Variants in SMYD3 observed in about 807,000 individuals in gnomAD.
SMYD3 encodes SET and MYND domain containing 3.
In SMYD3, 36 loss-of-function variants were observed where a neutral mutation model predicts 57.7. The ratio of observed to expected loss-of-function variants is 0.62; its 90% confidence interval spans 0.48 to 0.82. The LOEUF is 0.82. SMYD3 is among the 40% of genes least tolerant of loss of function. The probability of loss-of-function intolerance (pLI) is 0.00; values close to 1 mark genes in which losing one functional copy is unlikely to be tolerated. For missense variants in SMYD3, 515 were observed against 538.8 expected (o/e 0.96, Z 0.44); for synonymous variants, 211 against 195.0 (o/e 1.08, Z -0.68).
At chr1:246,242,067 G>GTT (rs547320245) in intron 5 of SMYD3, among the ~76,000 whole-genome samples, 1 of 151,540 alleles carries the variant, frequency 6.6e-6, no homozygotes, top group Non-Finnish European at 1.5e-5. Flanking sequence ...TTTTTGAAGG[G>GTT]TTTTTTTTGT....
At chr1:246,387,303 T>A (rs2066499298) in intron 1 of SMYD3, among the ~76,000 whole-genome samples, 1 of 152,218 alleles carries the variant, frequency 6.6e-6, no homozygotes, top group Admixed American at 6.5e-5. Flanking sequence ...AGCTTCAGAC[T>A]TCTTATCTAT....
intron 8 of SMYD3, among the ~76,000 whole-genome samples, chr1:245,883,077 G>A (rs2052878755): frequency 6.6e-6 from 1 of 152,132 alleles, no homozygotes; most frequent in Non-Finnish European, 1.5e-5. Context: ...TTTTCCATTT[G>A]AATCTGTCTG....
intron 1 of SMYD3, among the ~76,000 whole-genome samples, chr1:246,362,452 CCTCTCCCTCTCCACGGTCTCCCTCTCCCT>C (rs1051279334): frequency 5.7e-5 from 1 of 17,576 alleles, no homozygotes; most frequent in Non-Finnish European, 1.6e-4. Context: ...TCTCCCTCTC[CCTCTCCCTCTCCACGGTCTCCCTCTCCCT>C]CTCTTTCCAC....
At chr1:246,234,614 T>C (rs560290505) in intron 5 of SMYD3, among the ~76,000 whole-genome samples, 1 of 152,246 alleles carries the variant, frequency 6.6e-6, no homozygotes, top group Non-Finnish European at 1.5e-5. Flanking sequence ...CAATTCACAC[T>C]GTGATGGCTA....
intron 5 of SMYD3, among the ~76,000 whole-genome samples, chr1:245,980,581 A>G (rs2058571575): frequency 6.6e-6 from 1 of 152,250 alleles, no homozygotes; most frequent in African/African-American, 2.4e-5. Context: ...CATGACATGT[A>G]GAACAAATTA....
intron 4 of SMYD3, among the ~76,000 whole-genome samples, chr1:246,329,408 C>T (rs1163593370): frequency 7.9e-5 from 12 of 152,092 alleles, no homozygotes; most frequent in African/African-American, 2.4e-4. Flanking sequence ...TGGTATCTCA[C>T]TGTGGTTTTG....
rs571334369 is a variant in SMYD3, at chr1:246,170,112, C to T, written c.531+157089G>A. Among the ~76,000 whole-genome samples the T allele has an allele frequency of 1.6e-3, 246 of 152,150 alleles. 1 individual carries two copies. The highest frequency in any genetic ancestry group is 5.5e-3 in the African/African-American group (228 of 41,542). On this transcript the variant is annotated intron_variant, in intron 5 of 11. Transcript: ENST00000490107. ...AGAATAAGGAAAAAAGAGAATGTGA[C>T]ATAGTACAACTTAAGAAAAAATAAT... is the stretch of plus-strand genomic sequence containing the variant.
intron 5 of SMYD3, among the ~76,000 whole-genome samples, chr1:246,171,812 A>G (rs2062339647): frequency 6.6e-6 from 1 of 152,140 alleles, no homozygotes; most frequent in African/African-American, 2.4e-5. Flanking sequence ...GGAGTTTGAG[A>G]CCAGACTGGG....
chr1:246,488,474 G>A (rs2068221360), intron 1 of SMYD3, among the ~76,000 whole-genome samples: 1 of 152,188 alleles, frequency 6.6e-6, no homozygotes, highest in African/African-American at 2.4e-5. Flanking sequence ...ATCACCTGAG[G>A]TCTGGAGTTC....
chr1:246,177,024 T>C (rs2062446548), intron 5 of SMYD3, among the ~76,000 whole-genome samples: 1 of 152,214 alleles, frequency 6.6e-6, no homozygotes, highest in African/African-American at 2.4e-5. Flanking sequence ...AGGCCTGCTG[T>C]TTGGATATTA....
intron 5 of SMYD3, among the ~76,000 whole-genome samples, chr1:246,255,772 ATTT>A (rs34095220): frequency 0.056 from 7,585 of 135,652 alleles, 632 homozygotes; most frequent in African/African-American, 0.19. Context: ...TGTCTGGGGC[ATTT>A]TTTTTTTTTT....
Position 246,202,873 on chromosome 1 carries a change from T to G in SMYD3, c.531+124328A>C, listed in dbSNP as rs570792048. 7.9e-5 allele frequency among the ~76,000 whole-genome samples: 12 copies of G among 152,284 alleles called. No individual in the cohort carries two copies. Among genetic ancestry groups the G allele is most frequent in the Admixed American group, 5.2e-4 (8 of 15,288 alleles). On this transcript the variant is annotated intron_variant, in intron 5 of 11. Coordinates refer to ENST00000490107, the MANE Select transcript of SMYD3 (RefSeq NM_001167740.2). The surrounding 1 kb of genome is among the most constrained non-coding windows in gnomAD (Gnocchi z 4.1). Reference sequence around the variant, plus strand: ...CTGGGTGAGGTGGCTCACGCTTTAATCCCAGCACTTTGGGAGGCCAAGATA... The same window carrying G: ...CTGGGTGAGGTGGCTCACGCTTTAAGCCCAGCACTTTGGGAGGCCAAGATA...
chr1:246,436,059 A>T (rs754324637), intron 1 of SMYD3, among the ~76,000 whole-genome samples: 13 of 152,160 alleles, frequency 8.5e-5, no homozygotes, highest in South Asian at 6.2e-4. Flanking sequence ...AAGTTTTTTT[A>T]AAATTATTAA....
intron 5 of SMYD3, among the ~76,000 whole-genome samples, chr1:246,196,087 A>AT (rs528334005): frequency 1.3e-5 from 2 of 151,944 alleles, no homozygotes; most frequent in African/African-American, 4.8e-5. Context: ...TCATGTTTAA[A>AT]TTTTTTTTCT....
chr1:246,342,864 C>T (rs564722150), intron 2 of SMYD3, among the ~76,000 whole-genome samples: 18 of 152,134 alleles, frequency 1.2e-4, no homozygotes, highest in Non-Finnish European at 2.2e-4. Flanking sequence ...ATAATAACAA[C>T]AGTGCCCCCA....
chr1:246,474,529 A>T (rs2068003341), intron 1 of SMYD3, among the ~76,000 whole-genome samples: 1 of 151,772 alleles, frequency 6.6e-6, no homozygotes, highest in Admixed American at 6.6e-5. Context: ...CAAAAAAAAA[A>T]AAAAAAAAAA....
chr1:246,496,184 A>ACAC (rs914012525), intron 1 of SMYD3, among the ~76,000 whole-genome samples: 4 of 151,430 alleles, frequency 2.6e-5, no homozygotes, highest in Non-Finnish European at 4.4e-5. Flanking sequence ...TTACAGGCGC[A>ACAC]CACCACCACG....
intron 8 of SMYD3, among the ~76,000 whole-genome samples, chr1:245,883,894 C>T (rs1397619714): frequency 6.6e-6 from 1 of 152,004 alleles, no homozygotes; most frequent in African/African-American, 2.4e-5. Flanking sequence ...TGGCCAAAAC[C>T]CAGAGTGGGT....
chr1:246,193,001 A>G (rs905995554), intron 5 of SMYD3, among the ~76,000 whole-genome samples: 2 of 152,212 alleles, frequency 1.3e-5, no homozygotes, highest in African/African-American at 2.4e-5. Context: ...AGGAGTTCTA[A>G]TAAGTACAGC....
Sources: gnomAD v4.1 joint callset for allele counts (sites outside exome capture counted in the v4.1 genomes callset) on GRCh38, gnomAD v4.1.1 for gene constraint, Gnocchi (gnomAD v3.1) non-coding constraint, MANE v1.5 for transcripts, NCBI Gene and HGNC (gene_info 2026-07-23, HGNC 2026-07-21) for gene names.